The following TPGS1 variants were observed in gnomAD, a reference collection of about 807,000 sequenced individuals.
TPGS1 encodes tubulin polyglutamylase complex subunit 1.
Under a neutral mutation model 11.9 loss-of-function variants are expected in TPGS1, and 18 were observed. That is an observed-to-expected ratio of 1.51 (90% confidence interval 1.04 to 2.24). The LOEUF is 2.24. Among genes scored for constraint, TPGS1 ranks in the 30% most tolerant of loss-of-function variants. TPGS1 has a pLI of 0.00. For synonymous variants in TPGS1, 247 were observed against 218.2 expected (o/e 1.13, Z -1.16); for missense variants, 500 against 443.0 (o/e 1.13, Z -1.16).
rs757175432 is a variant in TPGS1 at position 507,567 on chromosome 19, G to GGCC, written c.65_67dup (p.Arg22dup). On this transcript the variant is annotated inframe_insertion, in exon 1 of 2. Transcript: ENST00000359315. ...ACCGCCGGCCGGTTTCACGGACAGC[G>GGCC]GCCGCCAGTCGGTATCCCGGGCGGC... 6.5e-6 allele frequency: 9 copies of GGCC among 1,393,210 alleles called. No individual in the cohort carries two copies. Among genetic ancestry groups the GGCC allele is most frequent in the Non-Finnish European group, 8.4e-6 (9 of 1,069,218 alleles). 86.3% of individuals were successfully genotyped at this position (1,393,210 alleles called of 1,614,324 possible).
chr19:516,957 G>C (rs752224856), intron 1 of TPGS1, among the ~76,000 whole-genome samples: 3 of 152,198 alleles, frequency 2.0e-5, no homozygotes, highest in Non-Finnish European at 4.4e-5. Context: ...TTAGGTTAGA[G>C]CTGATTTCAC....
chr19:516,546 C>T (rs1473204285), intron 1 of TPGS1, among the ~76,000 whole-genome samples: 3 of 152,016 alleles, frequency 2.0e-5, no homozygotes, highest in African/African-American at 2.4e-5. Flanking sequence ...CACCACGTCC[C>T]GCTAATTTTT....
Position 518,964 on chromosome 19 carries a change from G to A in TPGS1, c.414G>A (p.Leu138=), listed in dbSNP as rs1196029467. Residue 138 remains leucine, a synonymous_variant, in exon 2 of 2, where the codon CTG becomes CTA. Coordinates refer to ENST00000359315, the MANE Select transcript of TPGS1 (RefSeq NM_033513.3). ...SAGGRRKRPG[L]DGRTYSELLR... is the part of the protein sequence containing the mutation. ...GCGGGCGCAGGAAGAGGCCGGGGCT[G>A]GACGGGCGCACCTACAGCGAGCTGC... is the stretch of plus-strand genomic sequence containing the variant. 6 of 1,586,854 alleles carry A rather than the reference G, an allele frequency of 3.8e-6. No individual in the cohort carries two copies. Among genetic ancestry groups the A allele is most frequent in the South Asian group, 1.1e-5 (1 of 89,026 alleles).
In TPGS1 at chr19:519,302, G is replaced by GCCTGGC; in HGVS notation, c.753_758dup (p.Ala255_Leu256dup). The GCCTGGC allele has an allele frequency of 5.0e-6, 6 of 1,188,894 alleles. No homozygotes were observed. Among genetic ancestry groups the GCCTGGC allele is most frequent in the Non-Finnish European group, 6.2e-6 (6 of 961,370 alleles). The allele number at this position is 1,188,894 out of a possible 1,614,324, so 73.6% of individuals were successfully genotyped here. On this transcript the variant is annotated inframe_insertion, in exon 2 of 2. Coordinates refer to ENST00000359315, the MANE Select transcript of TPGS1 (RefSeq NM_033513.3). The stretch of plus-strand genomic sequence containing the variant: ...GCCGGCTCGCGCTTGGGGCCCGACA[G>GCCTGGC]CCTGGCGCTGGCGCTGGACCGCGCC...
chr19:519,134 T>C lies in TPGS1; in HGVS notation c.584T>C (p.Val195Ala). Residue 195 changes from valine to alanine, a missense_variant, in exon 2 of 2, where the codon GTG becomes GCG. By Grantham distance (64) the Val-to-Ala change is moderately conservative (BLOSUM62 0). Coordinates refer to ENST00000359315, the MANE Select transcript of TPGS1 (RefSeq NM_033513.3). Reference sequence around the variant, plus strand: ...ACCTGCTTCGTGCTGCTGGAGTTCGTGGCGCGCGCCGGCGCGCTCTTCCAG... The same window carrying C: ...ACCTGCTTCGTGCTGCTGGAGTTCGCGGCGCGCGCCGGCGCGCTCTTCCAG... ...TLTCFVLLEF[V>A]ARAGALFQLL... The C allele has an allele frequency of 6.6e-7, 1 of 1,518,718 alleles. No individual in the cohort carries two copies. 94.1% of individuals were successfully genotyped at this position (1,518,718 alleles called of 1,614,324 possible).
chr19:518,963 T>C lies in TPGS1; in HGVS notation c.413T>C (p.Leu138Pro). 1.3e-6 allele frequency: 2 copies of C among 1,587,210 alleles called. No homozygotes were observed. The highest frequency in any genetic ancestry group is 1.7e-6 in the Non-Finnish European group (2 of 1,174,160). The change falls in exon 2 of 2, where the codon CTG becomes CCG. Residue 138 changes from leucine (L) to proline (P), a missense_variant. Transcript: ENST00000359315. ...SAGGRRKRPG[L>P]DGRTYSELLR... ...GGCGGGCGCAGGAAGAGGCCGGGGC[T>C]GGACGGGCGCACCTACAGCGAGCTG...
intron 1 of TPGS1, 33 bp from the exon 2 acceptor site, chr19:518,856 C>T (rs775301010): frequency 1.1e-4 from 164 of 1,476,270 alleles, no homozygotes; most frequent in Non-Finnish European, 1.3e-4. Context: ...GGCGCGCGGT[C>T]TCTGCCGGCC....
chr19:510,628 GCA>G (rs1978766202), intron 1 of TPGS1, among the ~76,000 whole-genome samples: 1 of 152,160 alleles, frequency 6.6e-6, no homozygotes, highest in Admixed American at 6.5e-5. Context: ...GCCCCCTGGA[GCA>G]CACACACAGA....
Position 518,886 on chromosome 19 carries a change from C to A in TPGS1, c.339-3C>A. ...CCGGCCCCCAACGTCCCCGTCTCCG[C>A]AGGGCCGCCTTCAACAACAACGTGA... is the stretch of plus-strand genomic sequence containing the variant. On this transcript the variant is annotated splice_polypyrimidine_tract_variant and splice_region_variant and intron_variant, in intron 1 of 1. Coordinates refer to ENST00000359315, the MANE Select transcript of TPGS1 (RefSeq NM_033513.3). 1 of 1,515,404 alleles carries A rather than the reference C, an allele frequency of 6.6e-7. No homozygotes were observed. The highest frequency in any genetic ancestry group is 8.8e-7 in the Non-Finnish European group (1 of 1,139,196). 93.9% of individuals were successfully genotyped at this position (1,515,404 alleles called of 1,614,324 possible). A position where few individuals can be genotyped will look rare whatever the true frequency, so the allele number is the denominator to read the frequency against.
chr19:510,881 G>T (rs936670879), intron 1 of TPGS1, among the ~76,000 whole-genome samples: 4 of 152,224 alleles, frequency 2.6e-5, no homozygotes, highest in African/African-American at 9.6e-5. Flanking sequence ...GCAGGGCCCT[G>T]AGCAGCGTCC....
chr19:510,635 C>T (rs974268409), intron 1 of TPGS1, among the ~76,000 whole-genome samples: 2 of 152,232 alleles, frequency 1.3e-5, no homozygotes. Flanking sequence ...GGAGCACACA[C>T]ACAGACGTTA....
At chr19:511,105 GAC>G (rs1300908605) in intron 1 of TPGS1, among the ~76,000 whole-genome samples, 6 of 152,234 alleles carry the variant, frequency 3.9e-5, no homozygotes, top group Admixed American at 3.3e-4. Flanking sequence ...TGTAGGAGCC[GAC>G]ACAGACGGAG....
At chr19:514,432 A>T (rs142291376) in intron 1 of TPGS1, among the ~76,000 whole-genome samples, 49 of 151,422 alleles carry the variant, frequency 3.2e-4, no homozygotes, top group African/African-American at 1.2e-3. Context: ...CCAGCCCCAC[A>T]TTTACTGAGC....
At chr19:512,605 G>C (rs1250269825) in intron 1 of TPGS1, among the ~76,000 whole-genome samples, 2 of 152,262 alleles carry the variant, frequency 1.3e-5, no homozygotes, top group Admixed American at 1.3e-4. Flanking sequence ...AGGGGGCAAA[G>C]CAAGGCCCAG....
intron 1 of TPGS1, among the ~76,000 whole-genome samples, chr19:515,093 C>A (rs1001198199): frequency 6.6e-6 from 1 of 152,218 alleles, no homozygotes; most frequent in Admixed American, 6.5e-5. Flanking sequence ...TTCAGCTCTA[C>A]GGTTCTGGTC....
chr19:507,720 G>C lies in TPGS1; in HGVS notation c.214G>C (p.Glu72Gln), dbSNP rs1978662935. 2 of 1,401,886 alleles carry C rather than the reference G, an allele frequency of 1.4e-6. No individual in the cohort carries two copies. Among genetic ancestry groups the C allele is most frequent in the Admixed American group, 3.3e-5 (1 of 30,648 alleles). 86.8% of individuals were successfully genotyped at this position (1,401,886 alleles called of 1,614,324 possible). A position where few individuals can be genotyped will look rare whatever the true frequency, so the allele number is the denominator to read the frequency against. ...GATCGCCTTCCTGGCTCACTACTTC[G>C]AGAACATGGGCCTGCGCTCGCCTGT... ...EPIAFLAHYF[E>Q]NMGLRSPVNG... The change falls in exon 1 of 2, where the codon GAG becomes CAG. Residue 72 changes from glutamate (E) to glutamine (Q), a missense_variant. Glu to Gln is a conservative substitution (Grantham distance 29, BLOSUM62 2). Coordinates refer to ENST00000359315, the MANE Select transcript of TPGS1 (RefSeq NM_033513.3).
intron 1 of TPGS1, among the ~76,000 whole-genome samples, chr19:511,519 G>A (rs148248251): frequency 1.1e-3 from 160 of 152,358 alleles, no homozygotes; most frequent in African/African-American, 3.6e-3. Flanking sequence ...CTCCAGCCCC[G>A]TTCTCCCGTC....
chr19:519,247 G>C lies in TPGS1; in HGVS notation c.697G>C (p.Asp233His), dbSNP rs1979073563. 7 of 1,229,492 alleles carry C rather than the reference G, an allele frequency of 5.7e-6. No individual in the cohort carries two copies. The highest frequency in any genetic ancestry group is 7.1e-6 in the Non-Finnish European group (7 of 987,572). The allele number at this position is 1,229,492 out of a possible 1,614,324, so 76.2% of individuals were successfully genotyped here. A position where few individuals can be genotyped will look rare whatever the true frequency, so the allele number is the denominator to read the frequency against. Residue 233 changes from aspartate (D) to histidine (H), a missense_variant, in exon 2 of 2, where the codon GAC becomes CAC. Coordinates refer to ENST00000359315, the MANE Select transcript of TPGS1 (RefSeq NM_033513.3). ...CCTGGAGGGCGCGCTGCAGGCCAGC[G>C]ACGCCGCCGCGCCCGCGCGCTTCCT... ...DTLEGALQAS[D>H]AAAPARFLEA... is the part of the protein sequence containing the mutation.
intron 1 of TPGS1, chr19:510,176 A>C (rs1180320349): frequency 1.3e-5 from 2 of 152,080 alleles, no homozygotes; most frequent in East Asian, 1.9e-4. Flanking sequence ...GATCGAGACC[A>C]TCCTGGCTAA....
Sources: gnomAD v4.1 joint callset for allele counts (sites outside exome capture counted in the v4.1 genomes callset) on GRCh38, gnomAD v4.1.1 for gene constraint, MANE v1.5 for transcripts, NCBI Gene and HGNC (gene_info 2026-07-23, HGNC 2026-07-21) for gene names.